The following AOC3 variants were observed in gnomAD, a reference collection of about 807,000 sequenced individuals.
The protein encoded by AOC3 is amine oxidase [copper-containing] 3.
AOC3 carries 47 observed loss-of-function variants against 55.4 expected under a neutral mutation model. The ratio of observed to expected loss-of-function variants is 0.85; its 90% CI spans 0.67 to 1.08. The LOEUF (loss-of-function observed/expected upper bound fraction) is 1.08. AOC3 is among the 50% of genes least tolerant of loss of function. The pLI, the probability that AOC3 is intolerant of heterozygous loss-of-function variation, is 0.00. For missense variants in AOC3, 853 were observed against 993.1 expected (o/e 0.86, Z 1.90); for synonymous variants, 386 against 410.7 (o/e 0.94, Z 0.73).
In AOC3 at chr17:42,852,793, G is replaced by T. The variant is rs1391593201; in HGVS notation, c.1450G>T (p.Ala484Ser). ...VWDTVFHPSG[A>S]IEIRFYATGY... ...GGATACGGTCTTCCACCCCAGTGGG[G>T]CCATAGAAATACGATTCTATGCCAC... The change falls in exon 1 of 4, where the codon GCC (alanine) becomes TCC (serine). Residue 484 changes from alanine to serine, a missense_variant. Ala to Ser is a moderately conservative substitution (Grantham distance 99). Coordinates refer to ENST00000308423, the MANE Select transcript of AOC3 (RefSeq NM_003734.4). 5.0e-6 allele frequency: 8 copies of T among 1,613,908 alleles called. No homozygotes were observed. The African/African-American group carries it at 6.7e-5, about 13-fold the overall frequency.
rs186516766 is a variant in AOC3 at position 42,856,875 on chromosome 17, G to A, written c.*325G>A. The stretch of plus-strand genomic sequence containing the variant: ...TGTCTGGCTTTCCCGAATCTTTTTA[G>A]GCCACCTCCAAGGACTCTAAAAGGG... On this transcript the variant is annotated 3_prime_UTR_variant, in exon 4 of 4. Transcript: ENST00000308423. The A allele has an allele frequency of 7.8e-6, 3 of 382,530 alleles. No individual in the cohort carries two copies. Among genetic ancestry groups the A allele is most frequent in the Non-Finnish European group, 1.4e-5 (3 of 208,822 alleles). 23.7% of individuals were successfully genotyped at this position (382,530 alleles called of 1,614,324 possible).
In AOC3 at chr17:42,851,304, C is replaced by T. The variant is rs760834999; in HGVS notation, c.-40C>T. On this transcript the variant is annotated 5_prime_UTR_variant, in exon 1 of 4. Coordinates refer to ENST00000308423, the MANE Select transcript of AOC3 (RefSeq NM_003734.4). ...GTCTTGCTGGCGTGAGAATACATTG[C>T]TCTCCTTTGGTTGAATCAGCTGTCC... 5 of 1,551,886 alleles carry T rather than the reference C, an allele frequency of 3.2e-6. No individual in the cohort carries two copies. The highest frequency in any genetic ancestry group is 2.7e-5 in the African/African-American group (2 of 73,364).
At chr17:42,854,162 A>G (rs1019117333) in intron 1 of AOC3, 4 of 274,136 alleles carry the variant, frequency 1.5e-5, no homozygotes, top group African/African-American at 8.7e-5. Flanking sequence ...GAGGGTAAGG[A>G]TGATCATTCA....
rs961302606 is a variant in AOC3, at chr17:42,851,256, G to A, written c.-88G>A. On this transcript the variant is annotated 5_prime_UTR_variant, in exon 1 of 4. Coordinates refer to ENST00000308423, the MANE Select transcript of AOC3 (RefSeq NM_003734.4). ...CCAGAGTCCGGGAGCCCCCCACCCC[G>A]TCCAGGAGCCAACAGAGCCCCCGTC... 62 of 1,128,022 alleles carry A rather than the reference G, an allele frequency of 5.5e-5. No individual in the cohort carries two copies. The highest frequency in any genetic ancestry group is 9.5e-5 in the South Asian group (6 of 63,256). The allele number at this position is 1,128,022 out of a possible 1,614,324, so 69.9% of individuals were successfully genotyped here.
intron 3 of AOC3, among the ~76,000 whole-genome samples, 166 bp from the exon 4 acceptor site, chr17:42,856,109 G>A (rs1409393006): frequency 6.6e-6 from 1 of 152,194 alleles, no homozygotes; most frequent in Non-Finnish European, 1.5e-5. Flanking sequence ...CAGGGACAGG[G>A]AAGCAGGTGT....
chr17:42,854,397 A>AG (rs779333665), intron 1 of AOC3, 51 bp from the exon 2 acceptor site: 2 of 1,423,722 alleles, frequency 1.4e-6, no homozygotes, highest in South Asian at 3.2e-5. Context: ...CAGAGTCCAG[A>AG]GGGGCCAGGG....
In AOC3 at chr17:42,856,378, C is replaced by G. The variant is rs150573677; in HGVS notation, c.2120C>G (p.Pro707Arg). The change falls in exon 4 of 4, where the codon CCC (proline) becomes CGC (arginine). Residue 707 changes from proline (P) to arginine (R), a missense_variant. Coordinates refer to ENST00000308423, the MANE Select transcript of AOC3 (RefSeq NM_003734.4). ...AACGGCGTGGGCTTCTTCCTCCGAC[C>G]CTATAACTTCTTTGACGAAGACCCC... ...VGNGVGFFLRPYNFFDEDPSF... is the reference protein window; with the variant it reads ...VGNGVGFFLRRYNFFDEDPSF... 5 of 1,614,184 alleles carry G rather than the reference C, an allele frequency of 3.1e-6. No homozygotes were observed. The highest frequency in any genetic ancestry group is 4.2e-6 in the Non-Finnish European group (5 of 1,180,040).
intron 2 of AOC3, 93 bp downstream of exon 2, chr17:42,854,826 C>A: frequency 1.7e-6 from 2 of 1,159,748 alleles, no homozygotes; most frequent in Non-Finnish European, 2.2e-6. Context: ...GAGGGGAGAG[C>A]TCTCTCAGGA....
chr17:42,854,511 C>G lies in AOC3; in HGVS notation c.1664C>G (p.Pro555Arg). The change falls in exon 2 of 4, where the codon CCT becomes CGT. Residue 555 changes from proline (P) to arginine (R), a missense_variant. Transcript: ENST00000308423. ...VFVPMAVPWS[P>R]EHQLQRLQVT... is the part of the protein sequence containing the mutation. ...GTCCCCATGGCTGTGCCCTGGAGCCCTGAGCACCAGCTGCAGAGGCTGCAG... is the reference window on the plus strand; with the variant it reads ...GTCCCCATGGCTGTGCCCTGGAGCCGTGAGCACCAGCTGCAGAGGCTGCAG... The G allele has an allele frequency of 1.2e-6, 2 of 1,606,766 alleles. No individual in the cohort carries two copies. Among genetic ancestry groups the G allele is most frequent in the Admixed American group, 1.7e-5 (1 of 59,422 alleles).
In AOC3 at chr17:42,852,396, C is replaced by T. The variant is rs376345706; in HGVS notation, c.1053C>T (p.Asp351=). 28 of 1,614,044 alleles carry T rather than the reference C, an allele frequency of 1.7e-5. No homozygotes were observed. The highest frequency in any genetic ancestry group is 4.0e-5 in the African/African-American group (3 of 74,890). ...CATTCAGTGGCCCAAGGATCTTTGACGTTCGCTTCCAAGGAGAAAGACTAG... is the reference window on the plus strand; with the variant it reads ...CATTCAGTGGCCCAAGGATCTTTGATGTTCGCTTCCAAGGAGAAAGACTAG... The part of the protein sequence containing the change: ...LGAFSGPRIF[D]VRFQGERLVY... The change falls in exon 1 of 4, where the codon GAC becomes GAT. Residue 351 remains aspartate (D), a synonymous_variant. Coordinates refer to ENST00000308423, the MANE Select transcript of AOC3 (RefSeq NM_003734.4).
intron 1 of AOC3, chr17:42,853,282 G>A (rs923529121): frequency 8.2e-6 from 9 of 1,093,744 alleles, no homozygotes; most frequent in African/African-American, 1.6e-5. Context: ...CCTTCTGTTT[G>A]TCAGCTCAGT....
At position 42,852,470 on chromosome 17, in the gene AOC3, C is replaced by G; in HGVS notation, c.1127C>G (p.Ser376Cys). 1 of 1,614,198 alleles carries G rather than the reference C, an allele frequency of 6.2e-7. No homozygotes were observed. The highest frequency in any genetic ancestry group is 8.5e-7 in the Non-Finnish European group (1 of 1,180,050). Residue 376 changes from serine to cysteine, a missense_variant, in exon 1 of 4, where the codon TCC (serine) becomes TGC (cysteine). Coordinates refer to ENST00000308423, the MANE Select transcript of AOC3 (RefSeq NM_003734.4). ...GCCTTGGCCATCTATGGTGGAAATT[C>G]CCCAGCAGCAATGACGACCCGCTAT... ...QEALAIYGGN[S>C]PAAMTTRYVD...
chr17:42,856,359 G>C lies in AOC3; in HGVS notation c.2101G>C (p.Val701Leu), dbSNP rs753321827. The C allele has an allele frequency of 1.2e-6, 2 of 1,614,188 alleles. No homozygotes were observed. Among genetic ancestry groups the C allele is most frequent in the African/African-American group, 1.3e-5 (1 of 75,028 alleles). The change falls in exon 4 of 4, where the codon GTG becomes CTG. Residue 701 changes from valine to leucine, a missense_variant. Val to Leu is a conservative substitution (Grantham distance 32). Transcript: ENST00000308423. ...IPNTVTVGNGVGFFLRPYNFF... is the reference protein window; with the variant it reads ...IPNTVTVGNGLGFFLRPYNFF... ...TAACACAGTGACTGTGGGGAACGGC[G>C]TGGGCTTCTTCCTCCGACCCTATAA...
intron 1 of AOC3, 61 bp downstream of exon 1, chr17:42,853,004 G>A: frequency 2.6e-6 from 4 of 1,555,506 alleles, no homozygotes; most frequent in Non-Finnish European, 3.5e-6. Context: ...GTTTCCATTA[G>A]CTTTGGGTTT....
Position 42,854,665 on chromosome 17 carries a change from G to A in AOC3, c.1818G>A (p.Gln606=). The A allele has an allele frequency of 6.5e-7, 1 of 1,532,120 alleles. No homozygotes were observed. The highest frequency in any genetic ancestry group is 8.8e-7 in the Non-Finnish European group (1 of 1,134,188). 94.9% of individuals were successfully genotyped at this position (1,532,120 alleles called of 1,614,324 possible). Residue 606 remains glutamine (Q), a synonymous_variant, in exon 2 of 4, where the codon CAG becomes CAA. Transcript: ENST00000308423. ...KWGHPRGYRI[Q]MLSFAGEPLP... ...GTCACCCCCGGGGCTACCGCATCCA[G>A]ATGCTCAGCTTTGCTGGAGAGCCGC...
At chr17:42,855,653 A>G in intron 3 of AOC3, 80 bp downstream of exon 3, 1 of 1,585,314 alleles carries the variant, frequency 6.3e-7, no homozygotes, top group Admixed American at 1.7e-5. Flanking sequence ...TGCACTTCTC[A>G]GGGGTGGTGC....
rs754275077 is a variant in AOC3, at chr17:42,857,279, C to T, written c.*729C>T. ...AGTAGGAGTTGCTCCTACCCCTGTCCTGGGGCTGGGTGTGTTTCAGGACAG... is the reference window on the plus strand; with the variant it reads ...AGTAGGAGTTGCTCCTACCCCTGTCTTGGGGCTGGGTGTGTTTCAGGACAG... On this transcript the variant is annotated 3_prime_UTR_variant, in exon 4 of 4. Transcript: ENST00000308423. 1.3e-5 allele frequency: 2 copies of T among 152,666 alleles called. No individual in the cohort carries two copies. The highest frequency in any genetic ancestry group is 4.8e-5 in the African/African-American group (2 of 41,546). 9.5% of individuals were successfully genotyped at this position (152,666 alleles called of 1,614,324 possible).
In AOC3 at chr17:42,852,039, C is replaced by T. The variant is rs1486406301; in HGVS notation, c.696C>T (p.Asn232=). 6.2e-7 allele frequency: 1 copy of T among 1,613,906 alleles called. No individual in the cohort carries two copies. The highest frequency in any genetic ancestry group is 8.5e-7 in the Non-Finnish European group (1 of 1,179,860). ...CCACCTGGTTTGGCCTCTACTACAA[C>T]ATCTCGGGCGCTGGGTTCTTCCTGC... ...DRATWFGLYY[N]ISGAGFFLHH... is the part of the protein sequence containing the mutation. The change falls in exon 1 of 4, where the codon AAC becomes AAT. Residue 232 remains asparagine, a synonymous_variant. Transcript: ENST00000308423.
chr17:42,855,441 T>C lies in AOC3; in HGVS notation c.1887-3T>C. On this transcript the variant is annotated splice_polypyrimidine_tract_variant and splice_region_variant and intron_variant, in intron 2 of 3. Transcript: ENST00000308423. ...CATGGAGGCCTGACCAGTGCCTCCC[T>C]AGGTACCAGCTGGCTGTGACCCAGC... 1 of 1,601,672 alleles carries C rather than the reference T, an allele frequency of 6.2e-7. No homozygotes were observed. Among genetic ancestry groups the C allele is most frequent in the Non-Finnish European group, 8.5e-7 (1 of 1,174,352 alleles).
Sources: gnomAD v4.1 joint callset for allele counts (sites outside exome capture counted in the v4.1 genomes callset) on GRCh38, gnomAD v4.1.1 for gene constraint, MANE v1.5 for transcripts, NCBI Gene and HGNC (gene_info 2026-07-23, HGNC 2026-07-21) for gene names.